The following SEM1 variants were observed in gnomAD, a reference collection of about 807,000 sequenced individuals.
SEM1 encodes the protein SEM1 26S proteasome subunit.
Under a neutral mutation model 12.7 loss-of-function variants are expected in SEM1, and 3 were observed. The ratio of observed to expected loss-of-function variants is 0.24; its 90% CI spans 0.11 to 0.61. The LOEUF (loss-of-function observed/expected upper bound fraction) is 0.61. Ranked by LOEUF, SEM1 falls within the 20% of genes least tolerant of loss-of-function variation. The probability of loss-of-function intolerance (pLI) is 0.88; values close to 1 mark genes in which losing one functional copy is unlikely to be tolerated. For synonymous variants in SEM1, 30 were observed against 27.8 expected (o/e 1.08, Z -0.25); for missense variants, 59 against 81.3 (o/e 0.73, Z 1.06).
At chr7:96,597,150 T>A (rs544447318) in intron 2 of SEM1, among the ~76,000 whole-genome samples, 1 of 152,332 alleles carries the variant, frequency 6.6e-6, no homozygotes, top group East Asian at 1.9e-4. Context: ...CATACTGTCA[T>A]AGTCAGGGCC....
At chr7:96,619,217 G>A (rs1807810094), downstream of SEM1, among the ~76,000 whole-genome samples, 1 of 152,128 alleles carries the variant, frequency 6.6e-6, no homozygotes, top group Non-Finnish European at 1.5e-5. Context: ...TAATGTAGCA[G>A]TTGTCTGTTC....
intron 2 of SEM1, among the ~76,000 whole-genome samples, chr7:96,570,590 A>G (rs1198780266): frequency 6.6e-6 from 1 of 152,148 alleles, no homozygotes. Context: ...TATCCAGTCT[A>G]TCGTTGATGG....
intron 3 of SEM1, among the ~76,000 whole-genome samples, chr7:96,502,881 G>A (rs1253231908): frequency 1.3e-5 from 2 of 152,148 alleles, no homozygotes; most frequent in Non-Finnish European, 2.9e-5. Flanking sequence ...CACCATAAGA[G>A]GCATTCTATA....
downstream of SEM1, among the ~76,000 whole-genome samples, chr7:96,619,580 C>T (rs1807826750): frequency 1.3e-5 from 2 of 152,064 alleles, no homozygotes; most frequent in African/African-American, 4.8e-5. Flanking sequence ...CTCCAGGTGG[C>T]TTGCTTGGAA....
chr7:96,682,103 C>T (rs1584859242), intron 2 of SEM1, among the ~76,000 whole-genome samples: 2 of 152,024 alleles, frequency 1.3e-5, no homozygotes, highest in African/African-American at 2.4e-5. Flanking sequence ...TCCTTCACAC[C>T]CCTTGTAAAT....
At chr7:96,674,874 C>T (rs747899612) in intron 2 of SEM1, among the ~76,000 whole-genome samples, 3 of 152,132 alleles carry the variant, frequency 2.0e-5, no homozygotes, top group Non-Finnish European at 4.4e-5. Context: ...AGCCAACAAA[C>T]GGAATCCCTG....
intron 2 of SEM1, among the ~76,000 whole-genome samples, chr7:96,659,331 A>G (rs1373555232): frequency 6.6e-6 from 1 of 152,224 alleles, no homozygotes; most frequent in African/African-American, 2.4e-5. Flanking sequence ...GAAAACAATG[A>G]AATAATATTG....
At chr7:96,535,808 G>C (rs1328422113) in intron 2 of SEM1, among the ~76,000 whole-genome samples, 9 of 151,928 alleles carry the variant, frequency 5.9e-5, no homozygotes, top group Admixed American at 5.3e-4. Flanking sequence ...TGTTACGGCT[G>C]TCTAGTATTC....
chr7:96,486,483 C>G (rs892118542), intron 1 of SEM1: 26 of 1,241,266 alleles, frequency 2.1e-5, no homozygotes, highest in Non-Finnish European at 3.0e-5. Context: ...GAGGCGGGCA[C>G]CTGTTCCACC....
At chr7:96,509,566 C>T (rs1803867251) in intron 2 of SEM1, among the ~76,000 whole-genome samples, 1 of 152,084 alleles carries the variant, frequency 6.6e-6, no homozygotes, top group Admixed American at 6.6e-5. Flanking sequence ...TAGATTGTCT[C>T]AACAACCTAA....
chr7:96,704,141 C>T (rs764541326), intron 1 of SEM1, among the ~76,000 whole-genome samples: 7 of 151,784 alleles, frequency 4.6e-5, no homozygotes, highest in Non-Finnish European at 1.0e-4. Context: ...ACCTGAGATA[C>T]ATTAAATAAT....
At chr7:96,701,203 T>C (rs1219328375) in intron 1 of SEM1, among the ~76,000 whole-genome samples, 1 of 152,148 alleles carries the variant, frequency 6.6e-6, no homozygotes, top group Non-Finnish European at 1.5e-5. Flanking sequence ...TGTTTACATA[T>C]GTATCATTGT....
chr7:96,513,023 C>T (rs553600353), intron 2 of SEM1, among the ~76,000 whole-genome samples: 1 of 152,100 alleles, frequency 6.6e-6, no homozygotes, highest in East Asian at 1.9e-4. Flanking sequence ...CTTGTGAATT[C>T]GATCATATTT....
intron 2 of SEM1, among the ~76,000 whole-genome samples, chr7:96,639,347 A>T (rs959866772): frequency 6.6e-6 from 1 of 152,066 alleles, no homozygotes; most frequent in Non-Finnish European, 1.5e-5. Flanking sequence ...GTAAAGATAT[A>T]GTAATCAAAA....
chr7:96,542,157 T>TA (rs1804977608), intron 2 of SEM1, among the ~76,000 whole-genome samples: 1 of 151,820 alleles, frequency 6.6e-6, no homozygotes, highest in African/African-American at 2.4e-5. Context: ...GGTAGTTTGA[T>TA]AAAAATAGCA....
In SEM1 at chr7:96,551,803, A is replaced by G. The variant is rs577397965; in HGVS notation, c.171-45105T>C. Among the ~76,000 whole-genome samples, 5 of 152,230 alleles carry G rather than the reference A, an allele frequency of 3.3e-5. No individual in the cohort carries two copies. In the East Asian group the frequency reaches 9.7e-4, roughly 29 times the overall value. ...ATGTTGCAGTTATAAGCTAAGGATCAACAAGGACTGCTGGCAGCCACCAGA... is the reference window on the plus strand; with the variant it reads ...ATGTTGCAGTTATAAGCTAAGGATCGACAAGGACTGCTGGCAGCCACCAGA... On this transcript the variant is annotated intron_variant and NMD_transcript_variant, in intron 2 of 3. Transcript: ENST00000466986.
chr7:96,597,470 T>C (rs1807039345), intron 2 of SEM1, among the ~76,000 whole-genome samples: 1 of 152,066 alleles, frequency 6.6e-6, no homozygotes, highest in Non-Finnish European at 1.5e-5. Flanking sequence ...TACCTAGTGG[T>C]CAAACTGTAG....
chr7:96,596,172 G>A (rs560300734), intron 2 of SEM1, among the ~76,000 whole-genome samples: 1 of 152,322 alleles, frequency 6.6e-6, no homozygotes, highest in Non-Finnish European at 1.5e-5. Flanking sequence ...CAACTTGCTT[G>A]TAAAACCCAA....
chr7:96,547,687 A>G (rs1307537010), intron 2 of SEM1, among the ~76,000 whole-genome samples: 1 of 152,060 alleles, frequency 6.6e-6, no homozygotes, highest in Non-Finnish European at 1.5e-5. Flanking sequence ...CAGTTTTACA[A>G]TGGCACTTTC....
Sources: allele counts gnomAD v4.1 joint callset (sites outside exome capture counted in the v4.1 genomes callset), GRCh38; gene constraint gnomAD v4.1.1; transcripts MANE v1.5; gene names NCBI Gene and HGNC (gene_info 2026-07-23, HGNC 2026-07-21).